Variants in STIL observed in about 807,000 individuals in gnomAD.
STIL encodes the protein SCL-interrupting locus protein.
In STIL, 55 loss-of-function variants were observed where a neutral mutation model predicts 110.1. That is an observed-to-expected ratio of 0.50 (90% confidence interval 0.40 to 0.63). The LOEUF (loss-of-function observed/expected upper bound fraction) is 0.63, where lower values mean the gene tolerates loss of function less well. Ranked by LOEUF, STIL falls within the 20% of genes least tolerant of loss-of-function variation. STIL has a pLI of 0.00. For synonymous variants in STIL, 481 were observed against 530.0 expected, an observed-to-expected ratio of 0.91 and a Z score of 1.27; for missense variants, 1,358 against 1,530.0, an observed-to-expected ratio of 0.89 and a Z score of 1.87.
rs777711384 is a variant in STIL, at chr1:47,280,680, G to C, written c.1778C>G (p.Pro593Arg). The C allele has an allele frequency of 1.2e-6, 2 of 1,614,226 alleles. No homozygotes were observed. Among genetic ancestry groups the C allele is most frequent in the Middle Eastern group, 3.3e-4 (2 of 6,062 alleles). Reference protein sequence around the residue: ...RPMELQIPTPPLPSYCSTNVC... With the variant: ...RPMELQIPTPRLPSYCSTNVC... ...GTTTGTGGAACAGTAAGATGGCAGT[G>C]GGGGAGTAGGTATCTGAAGTTCCAT... Residue 593 changes from proline to arginine, a missense_variant, in exon 12 of 17, where the codon CCA (proline) becomes CGA (arginine). Physicochemically the swap from Pro to Arg is moderately radical, Grantham distance 103. Coordinates refer to ENST00000371877, the MANE Select transcript of STIL (RefSeq NM_001048166.1).
At position 47,291,783 on chromosome 1, in the gene STIL, C is replaced by T. The variant is rs1645497880; in HGVS notation, c.872+1675G>A. 2.6e-5 allele frequency among the ~76,000 whole-genome samples: 4 copies of T among 152,112 alleles called. No homozygotes were observed. In the South Asian group the frequency reaches 6.2e-4, roughly 24 times the overall value. ...GTTTCACCATGTTGGCCAAGCTGGT[C>T]TCTAATTCCTGGCCTCAAGTGATCC... On this transcript the variant is annotated intron_variant, in intron 8 of 16. Coordinates refer to ENST00000371877, the MANE Select transcript of STIL (RefSeq NM_001048166.1).
At position 47,299,931 on chromosome 1, in the gene STIL, A is replaced by C. The variant is rs750351268; in HGVS notation, c.675T>G (p.Ser225=). ...CATATTTATAAGTCCCTTGAACTTG[A>C]GAAATATTCAGATTACTGCTCAAGT... The part of the protein sequence containing the change: ...ARNLSSNLNI[S]QVQGTYKYGY... The change falls in exon 6 of 17, where the codon TCT becomes TCG. Residue 225 remains serine, a synonymous_variant. Coordinates refer to ENST00000371877, the MANE Select transcript of STIL (RefSeq NM_001048166.1). The C allele has an allele frequency of 6.2e-7, 1 of 1,614,082 alleles. No individual in the cohort carries two copies. Among genetic ancestry groups the C allele is most frequent in the Admixed American group, 1.7e-5 (1 of 60,008 alleles).
At chr1:47,279,232 G>C (rs1025791692) in intron 12 of STIL, among the ~76,000 whole-genome samples, 3 of 147,700 alleles carry the variant, frequency 2.0e-5, no homozygotes, top group African/African-American at 7.6e-5. Context: ...GCAGTGAGCC[G>C]AGATCGTGGC....
chr1:47,272,448 ATTTT>A (rs60685133), intron 12 of STIL, among the ~76,000 whole-genome samples: 1 of 145,970 alleles, frequency 6.9e-6, no homozygotes, highest in Admixed American at 6.8e-5. Flanking sequence ...TAAGTATACT[ATTTT>A]TTTTTTTTTT....
chr1:47,304,803 G>T, intron 3 of STIL, 86 bp downstream of exon 3: 3 of 1,005,396 alleles, frequency 3.0e-6, no homozygotes, highest in Non-Finnish European at 3.1e-6. Context: ...ATGAATAATT[G>T]GTCATAGTAA....
At chr1:47,258,185 T>C (rs1033729778) in intron 16 of STIL, among the ~76,000 whole-genome samples, 4 of 152,222 alleles carry the variant, frequency 2.6e-5, no homozygotes, top group Admixed American at 6.5e-5. Flanking sequence ...TTAGGATACA[T>C]AGCCTCTATC....
chr1:47,308,308 T>G (rs1646023891), intron 2 of STIL, among the ~76,000 whole-genome samples: 1 of 152,032 alleles, frequency 6.6e-6, no homozygotes, highest in Middle Eastern at 3.2e-3. Flanking sequence ...TACTCTGTCC[T>G]TTTATTTCTC....
intron 2 of STIL, among the ~76,000 whole-genome samples, chr1:47,305,985 C>T (rs1645950289): frequency 6.6e-6 from 1 of 151,972 alleles, no homozygotes; most frequent in Admixed American, 6.6e-5. Context: ...CCCGCCTCAG[C>T]CTCCCAAAGT....
At chr1:47,261,901 CTG>C (rs1340853432) in intron 15 of STIL, among the ~76,000 whole-genome samples, 3 of 147,504 alleles carry the variant, frequency 2.0e-5, no homozygotes, top group Admixed American at 6.8e-5. Context: ...GACAGAGACT[CTG>C]TCTCAAAAAA....
At chr1:47,262,856 T>C in intron 15 of STIL, 47 bp downstream of exon 15, 3 of 1,575,852 alleles carry the variant, frequency 1.9e-6, no homozygotes, top group African/African-American at 1.3e-5. Context: ...GTATATCCTA[T>C]ACTAAATAAC....
chr1:47,298,639 C>T (rs981649432), intron 6 of STIL, among the ~76,000 whole-genome samples: 1 of 151,742 alleles, frequency 6.6e-6, no homozygotes, highest in South Asian at 2.1e-4. Flanking sequence ...AAAAAAAAGG[C>T]CTAAAACCTA....
chr1:47,251,182 G>A lies in STIL; in HGVS notation c.3821C>T (p.Thr1274Ile), dbSNP rs763218281. ...TCTGAGACGTTTTACATCTAAGAAG[G>A]TGCCTACTGAATTCATGCTATTCAT... is the stretch of plus-strand genomic sequence containing the variant. The part of the protein sequence containing the change: ...KQMNSMNSVG[T>I]FLDVKRLRQL... The change falls in exon 17 of 17, where the codon ACC becomes ATC. Residue 1274 changes from threonine to isoleucine, a missense_variant. By Grantham distance (89) the Thr-to-Ile change is moderately conservative. Coordinates refer to ENST00000371877, the MANE Select transcript of STIL (RefSeq NM_001048166.1). 10 of 1,613,078 alleles carry A rather than the reference G, an allele frequency of 6.2e-6. No individual in the cohort carries two copies. The South Asian group carries it at 1.1e-4, about 18-fold the overall frequency.
At chr1:47,299,466 C>T (rs140648610) in intron 6 of STIL, among the ~76,000 whole-genome samples, 7,053 of 149,112 alleles carry the variant, frequency 0.047, 555 homozygotes, top group African/African-American at 0.16. Flanking sequence ...GATCTCAGCT[C>T]ATTGCAACCT....
chr1:47,280,823 A>C lies in STIL; in HGVS notation c.1635T>G (p.Asn545Lys), dbSNP rs770972789. ...FEKLQTVSAG[N>K]VQNEEYPIRP... ...TTATAGGATACTCTTCGTTTTGTACATTTCCAGCAGAAACTGTTTGGAGCT... is the reference window on the plus strand; with the variant it reads ...TTATAGGATACTCTTCGTTTTGTACCTTTCCAGCAGAAACTGTTTGGAGCT... Residue 545 changes from asparagine (N) to lysine (K), a missense_variant, in exon 12 of 17, where the codon AAT (asparagine) becomes AAG (lysine). By Grantham distance (94) the Asn-to-Lys change is moderately conservative. Transcript: ENST00000371877. 3 of 1,614,178 alleles carry C rather than the reference A, an allele frequency of 1.9e-6. No homozygotes were observed. Among genetic ancestry groups the C allele is most frequent in the Middle Eastern group, 1.7e-4 (1 of 6,060 alleles).
chr1:47,255,070 T>C (rs950423751), intron 16 of STIL, among the ~76,000 whole-genome samples: 1 of 151,862 alleles, frequency 6.6e-6, no homozygotes, highest in East Asian at 1.9e-4. Context: ...GGCAGGAGGA[T>C]TGCTTAAGCC....
At chr1:47,279,910 A>G (rs1220879322) in intron 12 of STIL, among the ~76,000 whole-genome samples, 1 of 152,216 alleles carries the variant, frequency 6.6e-6, no homozygotes, top group Non-Finnish European at 1.5e-5. Context: ...GCCACTGTCC[A>G]GACTTTATAT....
At chr1:47,298,612 T>A (rs1033510535) in intron 6 of STIL, among the ~76,000 whole-genome samples, 3 of 151,716 alleles carry the variant, frequency 2.0e-5, no homozygotes, top group African/African-American at 7.3e-5. Flanking sequence ...GGTTCATAAT[T>A]AGGTTATAGT....
intron 12 of STIL, among the ~76,000 whole-genome samples, chr1:47,275,147 T>TCATCAA (rs1553173875): frequency 1.0e-4 from 15 of 149,216 alleles, no homozygotes; most frequent in African/African-American, 3.7e-4. Context: ...CTCTGTCTCA[T>TCATCAA]CAACAACAAC....
chr1:47,314,652 T>C (rs1167387987), upstream of STIL, among the ~76,000 whole-genome samples: 1 of 152,238 alleles, frequency 6.6e-6, no homozygotes, highest in Admixed American at 6.5e-5. Flanking sequence ...TAATTTTTCC[T>C]TTTTGTGATC....
Sources: allele counts gnomAD v4.1 joint callset (sites outside exome capture counted in the v4.1 genomes callset), GRCh38; gene constraint gnomAD v4.1.1; transcripts MANE v1.5; gene names NCBI Gene and HGNC (gene_info 2026-07-23, HGNC 2026-07-21).